POTEH: variants seen among roughly 807,000 people sequenced by gnomAD.
POTEH encodes the protein POTE ankyrin domain family member H.
Under a neutral mutation model 41.7 loss-of-function variants are expected in POTEH, and 6 were observed. The observed-to-expected ratio is 0.14, with a 90% CI of 0.08 to 0.28. The LOEUF is 0.28. Among genes scored for constraint, POTEH ranks in the 10% least tolerant of loss-of-function variants. POTEH has a pLI of 1.00. For synonymous variants in POTEH, 38 were observed against 179.9 expected, an observed-to-expected ratio of 0.21 and a Z score of 6.31; for missense variants, 115 against 533.5, an observed-to-expected ratio of 0.22 and a Z score of 7.73.
chr22:15,697,831 CCT>C (rs1249724114), intron 3 of POTEH, among the ~76,000 whole-genome samples: 2 of 149,346 alleles, frequency 1.3e-5, no homozygotes, highest in African/African-American at 5.0e-5. Flanking sequence ...AGAGGATGGC[CCT>C]CTCAGGATTT....
intron 4 of POTEH, chr22:15,699,511 C>G (rs1219927265): frequency 3.1e-5 from 6 of 192,882 alleles, no homozygotes; most frequent in African/African-American, 1.4e-4. Context: ...TTATTTACCA[C>G]CAAATATGTT....
chr22:15,690,980 C>T (rs1426322415), intron 1 of POTEH, among the ~76,000 whole-genome samples: 4 of 132,494 alleles, frequency 3.0e-5, no homozygotes, highest in Non-Finnish European at 6.9e-5. Context: ...GTTGTCGATG[C>T]AGCAGATTAT....
chr22:15,713,970 C>T (rs1989876329), intron 9 of POTEH, among the ~76,000 whole-genome samples: 1 of 152,156 alleles, frequency 6.6e-6, no homozygotes, highest in African/African-American at 2.4e-5. Context: ...TTGAGTATCA[C>T]ACACTTGTCA....
chr22:15,691,320 G>A (rs148422877), intron 1 of POTEH, among the ~76,000 whole-genome samples: 19,396 of 130,738 alleles, frequency 0.15, 380 homozygotes, highest in Middle Eastern at 0.21. Flanking sequence ...TCAGGAGATC[G>A]AGACCATCCT....
chr22:15,691,900 T>A (rs1389345328), intron 1 of POTEH, among the ~76,000 whole-genome samples: 2 of 146,908 alleles, frequency 1.4e-5, no homozygotes, highest in South Asian at 2.2e-4. Flanking sequence ...ATCACAAAAA[T>A]CAGAGTATAG....
chr22:15,693,275 T>G (rs1989371459), intron 1 of POTEH, among the ~76,000 whole-genome samples: 1 of 147,976 alleles, frequency 6.8e-6, no homozygotes, highest in African/African-American at 2.5e-5. Flanking sequence ...ATCTGAACTT[T>G]TAGTTTAGGT....
chr22:15,719,786 GTTA>G lies in POTEH; in HGVS notation c.*1+11_*1+13del, dbSNP rs780561029. 4.1e-4 allele frequency: 184 copies of G among 445,886 alleles called. 1 individual carries two copies. Among genetic ancestry groups the G allele is most frequent in the Non-Finnish European group, 5.1e-4 (136 of 264,278 alleles). The allele number at this position is 445,886 out of a possible 1,614,324, so 27.6% of individuals were successfully genotyped here. ...CTGAAAATGAATTCTGAGGTATTTA[GTTA>G]TTTTCAAATGTTTTTATATGTGTAT... On this transcript the variant is annotated intron_variant, in intron 10 of 10. Coordinates refer to ENST00000343518, the MANE Select transcript of POTEH (RefSeq NM_001136213.1).
At chr22:15,708,999 A>G in intron 7 of POTEH, among the ~76,000 whole-genome samples, 1 of 151,558 alleles carries the variant, frequency 6.6e-6, no homozygotes. Flanking sequence ...GTTTCTGTTT[A>G]GGGAGGGAAC....
At chr22:15,691,050 T>A (rs1444572524) in intron 1 of POTEH, among the ~76,000 whole-genome samples, 1 of 143,634 alleles carries the variant, frequency 7.0e-6, no homozygotes, top group Non-Finnish European at 1.6e-5. Flanking sequence ...TATTGAGAAC[T>A]AAGAATGAAG....
chr22:15,694,360 A>G (rs1449127467), intron 1 of POTEH, among the ~76,000 whole-genome samples: 3 of 86,082 alleles, frequency 3.5e-5, no homozygotes, highest in African/African-American at 1.1e-4. Context: ...AAGCTCCACA[A>G]ATAGTTTCAT....
intron 9 of POTEH, among the ~76,000 whole-genome samples, chr22:15,713,504 A>T (rs77620547): frequency 0.043 from 3,465 of 80,800 alleles, no homozygotes; most frequent in East Asian, 0.14. Context: ...TTCTCATGAC[A>T]TTTTTTTTTT....
intron 9 of POTEH, among the ~76,000 whole-genome samples, chr22:15,714,923 C>CA (rs1989903275): frequency 2.0e-5 from 1 of 51,234 alleles, no homozygotes; most frequent in Non-Finnish European, 3.6e-5. Flanking sequence ...GTCTTGACAT[C>CA]AACTCTGTTA....
chr22:15,713,825 A>G (rs1308728593), intron 9 of POTEH, among the ~76,000 whole-genome samples: 2 of 152,288 alleles, frequency 1.3e-5, no homozygotes, highest in Non-Finnish European at 1.5e-5. Context: ...TACTGTATAT[A>G]TGCTAGTGAT....
chr22:15,714,244 G>A (rs1168106321), intron 9 of POTEH, among the ~76,000 whole-genome samples: 1 of 152,170 alleles, frequency 6.6e-6, no homozygotes, highest in East Asian at 1.9e-4. Flanking sequence ...TCATAGACTG[G>A]GAATTGATAG....
intron 9 of POTEH, among the ~76,000 whole-genome samples, chr22:15,712,796 C>T (rs569699323): frequency 7.3e-6 from 1 of 136,570 alleles, no homozygotes; most frequent in Non-Finnish European, 1.5e-5. Flanking sequence ...TGAGTGTCAA[C>T]TGTCCTAGAA....
At chr22:15,705,488 A>G (rs1989649533) in intron 6 of POTEH, among the ~76,000 whole-genome samples, 3 of 151,908 alleles carry the variant, frequency 2.0e-5, no homozygotes, top group Admixed American at 6.6e-5. Context: ...TCATGTTCCC[A>G]GTGGCAGTGG....
At chr22:15,693,451 G>T (rs1375010401) in intron 1 of POTEH, among the ~76,000 whole-genome samples, 7 of 152,206 alleles carry the variant, frequency 4.6e-5, no homozygotes, top group African/African-American at 1.7e-4. Context: ...TGTTCCTGTA[G>T]ATTTTATTGT....
intron 9 of POTEH, among the ~76,000 whole-genome samples, chr22:15,712,840 G>A (rs559372612): frequency 2.7e-5 from 4 of 145,996 alleles, no homozygotes; most frequent in African/African-American, 7.7e-5. Context: ...AAATATTCTC[G>A]TTGAGACCTT....
chr22:15,703,691 A>G (rs915173641), intron 6 of POTEH, among the ~76,000 whole-genome samples: 15 of 149,434 alleles, frequency 1.0e-4, no homozygotes, highest in African/African-American at 3.2e-4. Context: ...GACACCTAAT[A>G]CACTGTATAG....
Sources: allele counts gnomAD v4.1 joint callset (sites outside exome capture counted in the v4.1 genomes callset), GRCh38; gene constraint gnomAD v4.1.1; transcripts MANE v1.5; gene names NCBI Gene and HGNC (gene_info 2026-07-23, HGNC 2026-07-21).